The following HMGCLL1 variants were observed in gnomAD, a reference collection of about 807,000 sequenced individuals.
HMGCLL1 encodes the protein 3-hydroxy-3-methylglutaryl-CoA lyase like 1, also known as 3-hydroxymethyl-3-methylglutaryl-CoA lyase, cytoplasmic.
Under a neutral mutation model 39.1 loss-of-function variants are expected in HMGCLL1, and 36 were observed. The observed-to-expected ratio is 0.92, with a 90% CI of 0.71 to 1.22. The LOEUF (loss-of-function observed/expected upper bound fraction) is 1.22. HMGCLL1 is among the 50% of genes most tolerant of loss of function. The pLI, the probability that HMGCLL1 is intolerant of heterozygous loss-of-function variation, is 0.00. For synonymous variants in HMGCLL1, 149 were observed against 144.0 expected (o/e 1.03, Z -0.25); for missense variants, 451 against 416.5 (o/e 1.08, Z -0.72).
the HMGCLL1 span, among the ~76,000 whole-genome samples, chr6:55,652,803 T>C: frequency 6.6e-6 from 1 of 152,104 alleles, no homozygotes; most frequent in African/African-American, 2.4e-5. Context: ...AGAAATTCTC[T>C]TAAGTATCAT....
chr6:55,555,526 G>A (rs1267423406), intron 1 of HMGCLL1, among the ~76,000 whole-genome samples: 2 of 152,154 alleles, frequency 1.3e-5, no homozygotes, highest in African/African-American at 4.8e-5. Flanking sequence ...TGGGTTCACT[G>A]CTGTGTCCCA....
chr6:55,527,424 G>T (rs1768380079), intron 3 of HMGCLL1, among the ~76,000 whole-genome samples: 1 of 152,132 alleles, frequency 6.6e-6, no homozygotes, highest in South Asian at 2.1e-4. Flanking sequence ...AATCAATAAG[G>T]TTGGCTTGAA....
In HMGCLL1 at chr6:55,519,308, G is replaced by GA. The variant is rs35174222; in HGVS notation, c.298-2706dup. Among the ~76,000 whole-genome samples, 5 of 151,822 alleles carry GA rather than the reference G, an allele frequency of 3.3e-5. No individual in the cohort carries two copies. In the South Asian group the frequency reaches 6.2e-4, roughly 19 times the overall value. On this transcript the variant is annotated intron_variant, in intron 3 of 8. Coordinates refer to ENST00000274901, the MANE Select transcript of HMGCLL1 (RefSeq NM_001042406.2). ...CCATCTTGTGACAAGTTCTGTGGTA[G>GA]AAAAAAAATGGTACTGGGAATAGAA... is the stretch of plus-strand genomic sequence containing the variant.
At chr6:55,437,217 G>A (rs140555289) in intron 8 of HMGCLL1, among the ~76,000 whole-genome samples, 75 of 152,038 alleles carry the variant, frequency 4.9e-4, no homozygotes, top group African/African-American at 1.3e-3. Flanking sequence ...TAAATCATTT[G>A]TCGGGTGCTT....
chr6:55,554,345 G>A (rs538102249), intron 1 of HMGCLL1, among the ~76,000 whole-genome samples: 1 of 152,114 alleles, frequency 6.6e-6, no homozygotes, highest in African/African-American at 2.4e-5. Flanking sequence ...GGTGTAAAAA[G>A]ATCTAAAATT....
At chr6:55,541,558 T>G (rs1055169923) in intron 3 of HMGCLL1, among the ~76,000 whole-genome samples, 171 bp downstream of exon 3, 4 of 152,182 alleles carry the variant, frequency 2.6e-5, no homozygotes, top group Non-Finnish European at 5.9e-5. Flanking sequence ...CTAAGTAACT[T>G]GTAGGACTTC....
the HMGCLL1 span, among the ~76,000 whole-genome samples, chr6:55,612,418 T>TA: frequency 6.6e-6 from 1 of 152,060 alleles, no homozygotes. Flanking sequence ...AACTGCCATT[T>TA]ACATTCTTCA....
chr6:55,520,878 CA>C (rs34841260), intron 3 of HMGCLL1, among the ~76,000 whole-genome samples: 77,295 of 146,944 alleles, frequency 0.53, 19,975 homozygotes, highest in African/African-American at 0.62. Context: ...TATCTCTAGC[CA>C]AAAAAAAAAA....
the HMGCLL1 span, among the ~76,000 whole-genome samples, chr6:55,608,606 T>C: frequency 6.6e-6 from 1 of 152,200 alleles, no homozygotes. Context: ...AACTCCTCCT[T>C]TCTTATCCTC....
the HMGCLL1 span, among the ~76,000 whole-genome samples, chr6:55,628,185 AAT>A: frequency 1.3e-5 from 1 of 75,818 alleles, no homozygotes; most frequent in Non-Finnish European, 2.4e-5. Flanking sequence ...CTATATATAT[AAT>A]ATATATATAT....
intron 3 of HMGCLL1, among the ~76,000 whole-genome samples, chr6:55,531,432 C>T (rs901515844): frequency 3.3e-5 from 5 of 152,046 alleles, no homozygotes; most frequent in African/African-American, 1.2e-4. Flanking sequence ...TCTACAAGAC[C>T]AAATTTTAAG....
the HMGCLL1 span, among the ~76,000 whole-genome samples, chr6:55,619,790 A>G: frequency 2.0e-5 from 3 of 151,998 alleles, no homozygotes; most frequent in Non-Finnish European, 4.4e-5. Flanking sequence ...AGTAGATCTT[A>G]CTCATTCTAT....
intron 7 of HMGCLL1, among the ~76,000 whole-genome samples, chr6:55,468,839 A>G (rs1164272691): frequency 2.6e-5 from 4 of 151,994 alleles, no homozygotes; most frequent in Non-Finnish European, 4.4e-5. Context: ...TCAGGAAGAA[A>G]AAAATCATGA....
the HMGCLL1 span, among the ~76,000 whole-genome samples, chr6:55,643,116 C>A: frequency 5.9e-5 from 9 of 152,074 alleles, no homozygotes; most frequent in Non-Finnish European, 8.8e-5. Flanking sequence ...GTACATGTAT[C>A]TTTATGAAAG....
At chr6:55,452,999 G>T (rs546487890) in intron 7 of HMGCLL1, among the ~76,000 whole-genome samples, 1 of 152,264 alleles carries the variant, frequency 6.6e-6, no homozygotes, top group South Asian at 2.1e-4. Context: ...GGAGAGGAGG[G>T]ATAGTGAAAA....
At chr6:55,486,288 A>C (rs1289341118) in intron 7 of HMGCLL1, among the ~76,000 whole-genome samples, 1 of 152,044 alleles carries the variant, frequency 6.6e-6, no homozygotes, top group Non-Finnish European at 1.5e-5. Context: ...AATAAACTCC[A>C]CTACAACTGC....
chr6:55,448,512 C>T (rs1307273346), intron 7 of HMGCLL1, among the ~76,000 whole-genome samples: 1 of 151,808 alleles, frequency 6.6e-6, no homozygotes, highest in African/African-American at 2.4e-5. Context: ...GACAAATGAA[C>T]TTTATTAATA....
chr6:55,650,057 T>TTA, the HMGCLL1 span, among the ~76,000 whole-genome samples: 26,878 of 74,878 alleles, frequency 0.36, 5,817 homozygotes, highest in East Asian at 0.46. Context: ...GTCTGAAAGG[T>TTA]TATATATATA....
At chr6:55,527,420 T>A (rs1309599251) in intron 3 of HMGCLL1, among the ~76,000 whole-genome samples, 1 of 152,008 alleles carries the variant, frequency 6.6e-6, no homozygotes, top group Non-Finnish European at 1.5e-5. Context: ...TGGGAATCAA[T>A]AAGGTTGGCT....
Sources: gnomAD v4.1 joint callset for allele counts (sites outside exome capture counted in the v4.1 genomes callset) on GRCh38, gnomAD v4.1.1 for gene constraint, MANE v1.5 for transcripts, NCBI Gene and HGNC (gene_info 2026-07-23, HGNC 2026-07-21) for gene names.